ZSCAN16: variants seen among roughly 807,000 people sequenced by gnomAD.
ZSCAN16 encodes the protein zinc finger and SCAN domain-containing protein 16.
ZSCAN16 carries 15 observed loss-of-function variants against 19.4 expected under a neutral mutation model. The ratio of observed to expected loss-of-function variants is 0.77; its 90% confidence interval spans 0.52 to 1.19. The LOEUF (loss-of-function observed/expected upper bound fraction) is 1.19. Ranked by LOEUF, ZSCAN16 falls within the 50% of genes most tolerant of loss-of-function variation. The pLI is 0.00. For missense variants in ZSCAN16, 327 were observed against 415.7 expected, an observed-to-expected ratio of 0.79 and a Z score of 1.86; for synonymous variants, 138 against 146.5, an observed-to-expected ratio of 0.94 and a Z score of 0.42.
intron 3 of ZSCAN16, among the ~76,000 whole-genome samples, chr6:28,127,294 A>G (rs1764932761): frequency 6.6e-6 from 1 of 152,194 alleles, no homozygotes; most frequent in Non-Finnish European, 1.5e-5. Flanking sequence ...GGGTGGCTTA[A>G]CAGAAATTTA....
In ZSCAN16 at chr6:28,125,718, T is replaced by G; in HGVS notation, c.275T>G (p.Ile92Ser). 1 of 1,614,212 alleles carries G rather than the reference T, an allele frequency of 6.2e-7. No individual in the cohort carries two copies. ...CTGGTGCTAGAACAGTTCCTGAGCA[T>G]TCTTCCTAAAGACCTGCAAGCATGG... Reference protein sequence around the residue: ...DLLVLEQFLSILPKDLQAWVR... With the variant: ...DLLVLEQFLSSLPKDLQAWVR... Residue 92 changes from isoleucine (I) to serine (S), a missense_variant, in exon 2 of 4, where the codon ATT becomes AGT. Transcript: ENST00000340487. This position sits in a 1 kb window ranked among gnomAD's most constrained non-coding sequence, Gnocchi z 6.2.
intron 2 of ZSCAN16, 67 bp from the exon 3 acceptor site, chr6:28,126,716 T>C: frequency 7.9e-7 from 1 of 1,271,858 alleles, no homozygotes. Flanking sequence ...GATGTTTCAT[T>C]TGATTGTTTT....
chr6:28,127,304 AT>A (rs1764933232), intron 3 of ZSCAN16, among the ~76,000 whole-genome samples: 1 of 152,142 alleles, frequency 6.6e-6, no homozygotes, highest in Non-Finnish European at 1.5e-5. Flanking sequence ...ACAGAAATTT[AT>A]TTTCTCACAG....
intron 3 of ZSCAN16, among the ~76,000 whole-genome samples, chr6:28,128,916 A>T (rs1764976685): frequency 6.6e-6 from 1 of 151,518 alleles, no homozygotes; most frequent in African/African-American, 2.4e-5. Context: ...CTTCAAACAC[A>T]CTCCCCTCCT....
chr6:28,126,668 G>A, intron 2 of ZSCAN16, 115 bp from the exon 3 acceptor site: 1 of 773,220 alleles, frequency 1.3e-6, no homozygotes, highest in Non-Finnish European at 1.8e-6. Context: ...CATTTACAAT[G>A]AAATGAGAAT....
chr6:28,129,910 T>C lies in ZSCAN16; in HGVS notation c.1007T>C (p.Ile336Thr), dbSNP rs1354025243. 3.2e-5 allele frequency: 51 copies of C among 1,601,932 alleles called. No homozygotes were observed. The highest frequency in any genetic ancestry group is 3.9e-5 in the Non-Finnish European group (46 of 1,175,528). The stretch of plus-strand genomic sequence containing the variant: ...CCTTTCCGAGTAAGTTCAGCTCTTA[T>C]TAGACATCAAAGAATTCATACCGCA... Reference protein sequence around the residue: ...GRPFRVSSALIRHQRIHTANK... With the variant: ...GRPFRVSSALTRHQRIHTANK... The change falls in exon 4 of 4, where the codon ATT becomes ACT. Residue 336 changes from isoleucine to threonine, a missense_variant. Coordinates refer to ENST00000340487, the MANE Select transcript of ZSCAN16 (RefSeq NM_025231.3).
chr6:28,128,891 C>T lies in ZSCAN16; in HGVS notation c.527-539C>T, dbSNP rs538174695. Among the ~76,000 whole-genome samples, 4 of 152,198 alleles carry T rather than the reference C, an allele frequency of 2.6e-5. No individual in the cohort carries two copies. The East Asian group carries it at 5.8e-4, about 22-fold the overall frequency. On this transcript the variant is annotated intron_variant, in intron 3 of 3. Transcript: ENST00000340487. ...TGCATGTTGTCATGCTTCCTGCTTC[C>T]AGCTAATTATTATCCTTCAAACACA... is the stretch of plus-strand genomic sequence containing the variant.
Position 28,129,595 on chromosome 6 carries a change from G to C in ZSCAN16, c.692G>C (p.Arg231Thr). Residue 231 changes from arginine (R) to threonine (T), a missense_variant, in exon 4 of 4, where the codon AGG becomes ACG. By Grantham distance (71) the Arg-to-Thr change is moderately conservative (BLOSUM62 -1). Transcript: ENST00000340487. ...ENEGRSEWQQ[R>T]ERRRYKCDEC... The stretch of plus-strand genomic sequence containing the variant: ...GAGGGCAGATCAGAATGGCAACAGA[G>C]GGAAAGAAGACGATATAAATGTGAT... 1 of 1,614,146 alleles carries C rather than the reference G, an allele frequency of 6.2e-7. No homozygotes were observed. The highest frequency in any genetic ancestry group is 8.5e-7 in the Non-Finnish European group (1 of 1,180,026).
intron 3 of ZSCAN16, 142 bp downstream of exon 3, chr6:28,127,063 C>G (rs1468384021): frequency 1.4e-6 from 1 of 703,170 alleles, no homozygotes; most frequent in East Asian, 3.4e-5. Context: ...CTCCTCTTAC[C>G]CTTGCTCCAT....
At chr6:28,128,966 A>G (rs1461966345) in intron 3 of ZSCAN16, among the ~76,000 whole-genome samples, 6 of 151,638 alleles carry the variant, frequency 4.0e-5, no homozygotes, top group Admixed American at 3.9e-4. Flanking sequence ...CAGACCCCAA[A>G]TCCTATTATC....
In ZSCAN16 at chr6:28,125,721, T is replaced by C. The variant is rs780738786; in HGVS notation, c.278T>C (p.Leu93Pro). The part of the protein sequence containing the change: ...LLVLEQFLSI[L>P]PKDLQAWVRA... ...GTGCTAGAACAGTTCCTGAGCATTCTTCCTAAAGACCTGCAAGCATGGGTG... is the reference window on the plus strand; with the variant it reads ...GTGCTAGAACAGTTCCTGAGCATTCCTCCTAAAGACCTGCAAGCATGGGTG... The change falls in exon 2 of 4, where the codon CTT (leucine) becomes CCT (proline). Residue 93 changes from leucine (L) to proline (P), a missense_variant. Physicochemically the swap from Leu to Pro is moderately conservative, Grantham distance 98. Coordinates refer to ENST00000340487, the MANE Select transcript of ZSCAN16 (RefSeq NM_025231.3). The surrounding 1 kb of genome is among the most constrained non-coding windows in gnomAD (Gnocchi z 6.2). 6.2e-7 allele frequency: 1 copy of C among 1,614,228 alleles called. No individual in the cohort carries two copies. The highest frequency in any genetic ancestry group is 8.5e-7 in the Non-Finnish European group (1 of 1,180,038).
intron 3 of ZSCAN16, 22 bp from the exon 4 acceptor site, chr6:28,129,408 G>A (rs1242391612): frequency 6.3e-7 from 1 of 1,580,104 alleles, no homozygotes; most frequent in Non-Finnish European, 8.6e-7. Context: ...GGACCCGTTT[G>A]TGTACTGTTT....
chr6:28,129,592 A>C lies in ZSCAN16; in HGVS notation c.689A>C (p.Gln230Pro). The C allele has an allele frequency of 1.2e-6, 2 of 1,614,214 alleles. No homozygotes were observed. Among genetic ancestry groups the C allele is most frequent in the Non-Finnish European group, 8.5e-7 (1 of 1,180,034 alleles). ...AATGAGGGCAGATCAGAATGGCAAC[A>C]GAGGGAAAGAAGACGATATAAATGT... Reference protein sequence around the residue: ...IENEGRSEWQQRERRRYKCDE... With the variant: ...IENEGRSEWQPRERRRYKCDE... The change falls in exon 4 of 4, where the codon CAG becomes CCG. Residue 230 changes from glutamine (Q) to proline (P), a missense_variant. Transcript: ENST00000340487.
At chr6:28,124,991 G>A (rs1392513909) in intron 1 of ZSCAN16, among the ~76,000 whole-genome samples, 1 of 152,206 alleles carries the variant, frequency 6.6e-6, no homozygotes, top group Non-Finnish European at 1.5e-5. Flanking sequence ...ACAGAATGAA[G>A]AGCCTTTTAA....
Position 28,130,020 on chromosome 6 carries a change from A to C in ZSCAN16, c.*70A>C. 7.7e-7 allele frequency: 1 copy of C among 1,304,228 alleles called. No homozygotes were observed. Among genetic ancestry groups the C allele is most frequent in the Non-Finnish European group, 1.0e-6 (1 of 957,288 alleles). 80.8% of individuals were successfully genotyped at this position (1,304,228 alleles called of 1,614,324 possible). ...AGTTATCAAAGAATCTATTTTAGAA[A>C]CCTTGAGTTTCCTCAATGTGGTCAA... On this transcript the variant is annotated 3_prime_UTR_variant, in exon 4 of 4. Coordinates refer to ENST00000340487, the MANE Select transcript of ZSCAN16 (RefSeq NM_025231.3).
At chr6:28,124,712 G>C (rs1019199384) in intron 1 of ZSCAN16, 35 bp downstream of exon 1, 1 of 152,380 alleles carries the variant, frequency 6.6e-6, no homozygotes. Flanking sequence ...GGAGAAAAGG[G>C]GACAAGACGC....
chr6:28,129,012 CTA>C (rs1491219834), intron 3 of ZSCAN16, among the ~76,000 whole-genome samples: 1 of 152,158 alleles, frequency 6.6e-6, no homozygotes, highest in African/African-American at 2.4e-5. Context: ...TACTTGCCAC[CTA>C]TGTTTCAGGC....
In ZSCAN16 at chr6:28,129,886, C is replaced by T. The variant is rs1356301312; in HGVS notation, c.983C>T (p.Pro328Leu). The T allele has an allele frequency of 6.2e-7, 1 of 1,612,736 alleles. No individual in the cohort carries two copies. Among genetic ancestry groups the T allele is most frequent in the Admixed American group, 1.7e-5 (1 of 59,666 alleles). The change falls in exon 4 of 4, where the codon CCT becomes CTT. Residue 328 changes from proline to leucine, a missense_variant. Transcript: ENST00000340487. The stretch of plus-strand genomic sequence containing the variant: ...TATGAATGTGATGAGTGTGGAAGGC[C>T]TTTCCGAGTAAGTTCAGCTCTTATT... ...KPYECDECGR[P>L]FRVSSALIRH...
chr6:28,125,408 C>A lies in ZSCAN16; in HGVS notation c.-31-5C>A. On this transcript the variant is annotated splice_polypyrimidine_tract_variant and splice_region_variant and intron_variant, in intron 1 of 3. Transcript: ENST00000340487. This position sits in a 1 kb window ranked among gnomAD's most constrained non-coding sequence, Gnocchi z 6.2. ...TCTAAGAGATTCTCTTTGACTCAATCCCAGATAGAGGATAAATCTCCTGGC... is the reference window on the plus strand; with the variant it reads ...TCTAAGAGATTCTCTTTGACTCAATACCAGATAGAGGATAAATCTCCTGGC... 6.3e-7 allele frequency: 1 copy of A among 1,584,952 alleles called. No homozygotes were observed. Among genetic ancestry groups the A allele is most frequent in the South Asian group, 1.2e-5 (1 of 85,540 alleles).
Sources: gnomAD v4.1 joint callset for allele counts (sites outside exome capture counted in the v4.1 genomes callset) on GRCh38, gnomAD v4.1.1 for gene constraint, Gnocchi (gnomAD v3.1) non-coding constraint, MANE v1.5 for transcripts, NCBI Gene and HGNC (gene_info 2026-07-23, HGNC 2026-07-21) for gene names.